The following WWOX variants were observed in gnomAD, a reference collection of about 807,000 sequenced individuals.
The protein encoded by WWOX is WW domain containing oxidoreductase.
A neutral mutation model predicts 46.2 loss-of-function variants in WWOX; 69 were observed. The observed-to-expected ratio is 1.49, with a 90% CI of 1.23 to 1.82. WWOX has a LOEUF of 1.82. WWOX is among the 40% of genes most tolerant of loss of function. WWOX has a pLI of 0.00. For missense variants in WWOX, 919 were observed against 542.6 expected (o/e 1.69, Z -6.89); for synonymous variants, 359 against 202.6 (o/e 1.77, Z -6.56).
intron 8 of WWOX, among the ~76,000 whole-genome samples, chr16:78,812,553 C>T (rs961829752): frequency 1.3e-5 from 2 of 151,708 alleles, no homozygotes; most frequent in African/African-American, 4.9e-5. Context: ...GAAACTCCTT[C>T]TCTACTAAAA....
At chr16:78,406,315 T>A (rs867519225) in intron 6 of WWOX, among the ~76,000 whole-genome samples, 113 of 60,306 alleles carry the variant, frequency 1.9e-3, no homozygotes, top group African/African-American at 9.0e-3. Context: ...TATATATATA[T>A]ATATATATAT....
At chr16:79,064,662 C>T (rs1038649276) in intron 8 of WWOX, among the ~76,000 whole-genome samples, 3 of 152,190 alleles carry the variant, frequency 2.0e-5, no homozygotes, top group African/African-American at 4.8e-5. Flanking sequence ...TCTTCGTGTT[C>T]CTGCAAGGAT....
At chr16:79,168,041 T>C (rs766306585) in intron 8 of WWOX, among the ~76,000 whole-genome samples, 5 of 152,208 alleles carry the variant, frequency 3.3e-5, no homozygotes, top group Non-Finnish European at 5.9e-5. Flanking sequence ...CTTGTCTAAG[T>C]TGTGGCATGT....
At chr16:78,575,243 A>G (rs181408312) in intron 8 of WWOX, among the ~76,000 whole-genome samples, 1 of 148,274 alleles carries the variant, frequency 6.7e-6, no homozygotes, top group Non-Finnish European at 1.5e-5. Context: ...TGAGGGCCAG[A>G]CAACACATCA....
chr16:78,675,111 A>C (rs1278844879), intron 8 of WWOX, among the ~76,000 whole-genome samples: 1 of 152,210 alleles, frequency 6.6e-6, no homozygotes, highest in African/African-American at 2.4e-5. Flanking sequence ...ATGTTTACAT[A>C]GATGATCGGA....
chr16:78,510,862 A>G (rs1275154269), intron 8 of WWOX, among the ~76,000 whole-genome samples: 1 of 152,360 alleles, frequency 6.6e-6, no homozygotes, highest in Non-Finnish European at 1.5e-5. Flanking sequence ...TTGAGGATGC[A>G]TGACCTGTGC....
At chr16:78,306,632 C>T (rs2151870944) in intron 5 of WWOX, among the ~76,000 whole-genome samples, 1 of 152,052 alleles carries the variant, frequency 6.6e-6, no homozygotes, top group South Asian at 2.1e-4. Flanking sequence ...TCCCAGTGAG[C>T]CCAACTCCTT....
chr16:78,362,083 C>G (rs1297712059), intron 5 of WWOX, among the ~76,000 whole-genome samples: 4 of 140,414 alleles, frequency 2.8e-5, no homozygotes, highest in African/African-American at 1.1e-4. Flanking sequence ...TGATTTTTTT[C>G]TTCTCACTAC....
intron 8 of WWOX, among the ~76,000 whole-genome samples, chr16:78,717,895 C>G (rs1275686157): frequency 6.6e-6 from 1 of 152,150 alleles, no homozygotes; most frequent in African/African-American, 2.4e-5. Flanking sequence ...TGGTTTGAAA[C>G]CTATTCACGA....
chr16:78,306,302 A>G (rs1483166082), intron 5 of WWOX, among the ~76,000 whole-genome samples: 2 of 152,192 alleles, frequency 1.3e-5, no homozygotes, highest in Admixed American at 1.3e-4. Context: ...CGATTCTAGA[A>G]GGGTGAGTCT....
chr16:78,529,329 A>G (rs1019013708), intron 8 of WWOX, among the ~76,000 whole-genome samples: 1 of 152,186 alleles, frequency 6.6e-6, no homozygotes, highest in African/African-American at 2.4e-5. Context: ...GCATTCTCAC[A>G]TAACCTCATA....
At chr16:79,012,188 A>G (rs949062537) in intron 8 of WWOX, among the ~76,000 whole-genome samples, 1 of 152,160 alleles carries the variant, frequency 6.6e-6, no homozygotes, top group African/African-American at 2.4e-5. Context: ...TAAAAGCCAC[A>G]AGCCACATCT....
intron 8 of WWOX, among the ~76,000 whole-genome samples, chr16:78,636,205 A>C (rs1335453598): frequency 6.6e-6 from 1 of 152,188 alleles, no homozygotes; most frequent in African/African-American, 2.4e-5. Flanking sequence ...TAGACATATT[A>C]GAGACCAGGT....
intron 4 of WWOX, among the ~76,000 whole-genome samples, chr16:78,128,362 C>T (rs960434066): frequency 6.6e-6 from 1 of 151,764 alleles, no homozygotes; most frequent in Non-Finnish European, 1.5e-5. Flanking sequence ...GGCTCTGACT[C>T]TAGCCAGATA....
At chr16:78,798,370 C>G (rs1453896471) in intron 8 of WWOX, among the ~76,000 whole-genome samples, 2 of 152,048 alleles carry the variant, frequency 1.3e-5, no homozygotes, top group South Asian at 2.1e-4. Flanking sequence ...GTCAAAAAAG[C>G]TAATAACACA....
chr16:78,655,112 C>T (rs1177931263), intron 8 of WWOX, among the ~76,000 whole-genome samples: 6 of 152,112 alleles, frequency 3.9e-5, no homozygotes, highest in Non-Finnish European at 7.3e-5. Context: ...CCGTATTTTA[C>T]AGTTAAGGAA....
intron 8 of WWOX, among the ~76,000 whole-genome samples, chr16:78,934,433 CAGG>C (rs1373320371): frequency 1.4e-5 from 2 of 144,762 alleles, no homozygotes; most frequent in Non-Finnish European, 3.0e-5. Context: ...CACTTGAGTC[CAGG>C]AGGTCAAGGC....
At chr16:78,736,632 C>G (rs917934828) in intron 8 of WWOX, among the ~76,000 whole-genome samples, 17 of 152,054 alleles carry the variant, frequency 1.1e-4, no homozygotes, top group African/African-American at 3.9e-4. Context: ...GGATCTGTCT[C>G]TTTCCCCCAG....
At chr16:78,800,724 A>G (rs2050864140) in intron 8 of WWOX, among the ~76,000 whole-genome samples, 1 of 152,120 alleles carries the variant, frequency 6.6e-6, no homozygotes. Flanking sequence ...GAATGAGGGA[A>G]TTGTCTAAAA....
Sources: gnomAD v4.1 joint callset for allele counts (sites outside exome capture counted in the v4.1 genomes callset) on GRCh38, gnomAD v4.1.1 for gene constraint, MANE v1.5 for transcripts, NCBI Gene and HGNC (gene_info 2026-07-23, HGNC 2026-07-21) for gene names.